The following WDR18 variants were observed in gnomAD, a reference collection of about 807,000 sequenced individuals.
The protein encoded by WDR18 is WD repeat-containing protein 18.
Under a neutral mutation model 49.6 loss-of-function variants are expected in WDR18, and 33 were observed. That is an observed-to-expected ratio of 0.67 (90% CI 0.50 to 0.89). The LOEUF (loss-of-function observed/expected upper bound fraction) is 0.89, where lower values mean the gene tolerates loss of function less well. Among genes scored for constraint, WDR18 ranks in the 40% least tolerant of loss-of-function variants. The pLI is 0.00. For synonymous variants in WDR18, 315 were observed against 263.6 expected (o/e 1.19, Z -1.89); for missense variants, 653 against 593.6 (o/e 1.10, Z -1.04).
chr19:988,610 C>G (rs1002910218), intron 2 of WDR18, among the ~76,000 whole-genome samples: 1 of 152,200 alleles, frequency 6.6e-6, no homozygotes, highest in Admixed American at 6.5e-5. Context: ...CAGGGACTTT[C>G]GACAACAGAA....
chr19:993,876 G>A (rs536911461), intron 8 of WDR18, 144 bp from the exon 9 acceptor site: 5 of 891,358 alleles, frequency 5.6e-6, no homozygotes, highest in East Asian at 2.6e-5. Context: ...GAACGCCCCC[G>A]TCTCAGTCTT....
chr19:993,933 C>A, intron 8 of WDR18, 87 bp from the exon 9 acceptor site: 1 of 1,457,122 alleles, frequency 6.9e-7, no homozygotes. Context: ...GGCTGAGTGG[C>A]TGCCCACGCT....
chr19:988,136 G>A (rs7249037), intron 2 of WDR18, among the ~76,000 whole-genome samples: 31,800 of 124,830 alleles, frequency 0.25, 3,631 homozygotes, highest in Middle Eastern at 0.41. Context: ...GGCCCTCCTG[G>A]AGAGTTTCTG....
intron 4 of WDR18, 103 bp from the exon 5 acceptor site, chr19:990,749 G>A (rs1368401806): frequency 6.8e-7 from 1 of 1,475,066 alleles, no homozygotes; most frequent in Non-Finnish European, 9.0e-7. Context: ...AAGCCCTAGG[G>A]CCAGAGGACA....
rs60103115 is a variant in WDR18, at chr19:994,557, C to A, written c.*213C>A. ...TTTTTAACAAAAGAGGATGAAAAGC[C>A]CCTCCTCTCCGGCCTCCTTGTGTCC... On this transcript the variant is annotated 3_prime_UTR_variant, in exon 10 of 10. Coordinates refer to ENST00000585809, the MANE Select transcript of WDR18 (RefSeq NM_024100.4). The A allele has an allele frequency of 2.3e-5, 16 of 687,508 alleles. No individual in the cohort carries two copies. In the East Asian group the frequency reaches 3.4e-4, roughly 15 times the overall value. 42.6% of individuals were successfully genotyped at this position (687,508 alleles called of 1,614,324 possible). A position where few individuals can be genotyped will look rare whatever the true frequency, so the allele number is the denominator to read the frequency against.
Position 990,258 on chromosome 19 carries a change from C to T in WDR18, c.491C>T (p.Pro164Leu). ...LQADPSRIPA[P>L]RHVWSHHALP... ...GCCGACCCCTCCAGGATTCCGGCGC[C>T]CAGGCACGTCTGGTCTCACCACGCG... Residue 164 changes from proline to leucine, a missense_variant, in exon 4 of 10, where the codon CCC (proline) becomes CTC (leucine). By Grantham distance (98) the Pro-to-Leu change is moderately conservative (BLOSUM62 -3). Transcript: ENST00000585809. The T allele has an allele frequency of 2.5e-6, 4 of 1,599,192 alleles. No individual in the cohort carries two copies. Among genetic ancestry groups the T allele is most frequent in the Non-Finnish European group, 3.4e-6 (4 of 1,179,340 alleles).
Position 992,083 on chromosome 19 carries a change from C to A in WDR18, c.1060C>A (p.His354Asn). The A allele has an allele frequency of 6.4e-7, 1 of 1,551,394 alleles. No individual in the cohort carries two copies. The highest frequency in any genetic ancestry group is 8.7e-7 in the Non-Finnish European group (1 of 1,153,786). ...CGCCGAGCACGGGGACGAGCCGCGCCACGGGGGCCTCACTCTGCGCCTGGG... is the reference window on the plus strand; with the variant it reads ...CGCCGAGCACGGGGACGAGCCGCGCAACGGGGGCCTCACTCTGCGCCTGGG... ...LGAEHGDEPR[H>N]GGLTLRLGLH... Residue 354 changes from histidine (H) to asparagine (N), a missense_variant, in exon 8 of 10, where the codon CAC (histidine) becomes AAC (asparagine). His to Asn is a moderately conservative substitution (Grantham distance 68). Coordinates refer to ENST00000585809, the MANE Select transcript of WDR18 (RefSeq NM_024100.4).
chr19:984,217 C>A, upstream of WDR18: 1 of 920,844 alleles, frequency 1.1e-6, no homozygotes, highest in Non-Finnish European at 1.5e-6. Flanking sequence ...CACAAGAAAG[C>A]CCCTCTCTCC....
At chr19:991,891 C>A (rs2038559733) in intron 7 of WDR18, 64 bp from the exon 8 acceptor site, 1 of 1,406,630 alleles carries the variant, frequency 7.1e-7, no homozygotes. Context: ...TGGGGCGGAA[C>A]TTGGCTTGCT....
At chr19:983,070 C>A (rs2038434901), upstream of WDR18, among the ~76,000 whole-genome samples, 1 of 152,214 alleles carries the variant, frequency 6.6e-6, no homozygotes, top group South Asian at 2.1e-4. Flanking sequence ...AACCCCCGGG[C>A]GGAAATCCCG....
chr19:985,794 C>T, intron 1 of WDR18, 71 bp from the exon 2 acceptor site: 3 of 1,481,014 alleles, frequency 2.0e-6, no homozygotes, highest in Non-Finnish European at 2.8e-6. Context: ...CGTCCCCTCC[C>T]CTCGCCCTCC....
In WDR18 at chr19:994,510, G is replaced by A. The variant is rs552315932; in HGVS notation, c.*166G>A. The A allele has an allele frequency of 1.9e-5, 18 of 967,952 alleles. No individual in the cohort carries two copies. Among genetic ancestry groups the A allele is most frequent in the South Asian group, 6.9e-5 (4 of 58,174 alleles). The allele number at this position is 967,952 out of a possible 1,614,324, so 60.0% of individuals were successfully genotyped here. On this transcript the variant is annotated 3_prime_UTR_variant, in exon 10 of 10. Coordinates refer to ENST00000585809, the MANE Select transcript of WDR18 (RefSeq NM_024100.4). ...GGGCCGTCTTGGTGTCTCGTGGCAC[G>A]CGTCACAGTGGTGCTAGTCTGTTTT...
intron 2 of WDR18, among the ~76,000 whole-genome samples, chr19:988,792 G>C (rs1053465458): frequency 6.6e-6 from 1 of 152,088 alleles, no homozygotes; most frequent in African/African-American, 2.4e-5. Flanking sequence ...CCACTGCCGC[G>C]TGGAGCCCCT....
rs576441461 is a variant in WDR18 at position 990,565 on chromosome 19, C to T, written c.597+201C>T. 4.3e-4 allele frequency: 392 copies of T among 920,522 alleles called. 2 individuals are homozygous for T. Among genetic ancestry groups the T allele is most frequent in the Admixed American group, 2.5e-3 (75 of 30,444 alleles). 57.0% of individuals were successfully genotyped at this position (920,522 alleles called of 1,614,324 possible). ...TCCTACTCATTCACCGTTTCTGGCC[C>T]GGCTCCCTGGCCAAGCCTGGGGAAT... On this transcript the variant is annotated intron_variant, in intron 4 of 9. Transcript: ENST00000585809.
chr19:991,104 C>A lies in WDR18; in HGVS notation c.765C>A (p.Phe255Leu). Residue 255 changes from phenylalanine to leucine, a missense_variant, in exon 6 of 10, where the codon TTC becomes TTA. Physicochemically the swap from Phe to Leu is conservative, Grantham distance 22. Transcript: ENST00000585809. ...AGCCCGGACAGAGGGAGAGGAGCTT[C>A]CACCCAGAGCAGGACGCCGGGAAGG... ...FTWPGQRERS[F>L]HPEQDAGKVF... 1 of 1,596,418 alleles carries A rather than the reference C, an allele frequency of 6.3e-7. No homozygotes were observed. Among genetic ancestry groups the A allele is most frequent in the Non-Finnish European group, 8.5e-7 (1 of 1,172,042 alleles).
At chr19:983,257 C>G (rs574347650), upstream of WDR18, among the ~76,000 whole-genome samples, 53 of 141,500 alleles carry the variant, frequency 3.7e-4, no homozygotes, top group African/African-American at 1.5e-3. Context: ...CACAGTGAGA[C>G]CCCCCATCTC....
chr19:990,067 C>CTGGGGGCCG, intron 3 of WDR18, 156 bp from the exon 4 acceptor site: 1 of 1,390,802 alleles, frequency 7.2e-7, no homozygotes, highest in Non-Finnish European at 9.5e-7. Flanking sequence ...CTGGTTTGTT[C>CTGGGGGCCG]TGGGGGCCGT....
intron 4 of WDR18, chr19:990,584 G>A: frequency 1.2e-6 from 1 of 854,694 alleles, no homozygotes; most frequent in Non-Finnish European, 1.7e-6. Context: ...GGCCAAGCCT[G>A]GGGAATCGGA....
chr19:992,864 G>A (rs1276796014), intron 8 of WDR18, among the ~76,000 whole-genome samples: 1 of 152,226 alleles, frequency 6.6e-6, no homozygotes, highest in Non-Finnish European at 1.5e-5. Flanking sequence ...TGTGTCCCTC[G>A]CTGGGCTCTG....
Sources: gnomAD v4.1 joint callset for allele counts (sites outside exome capture counted in the v4.1 genomes callset) on GRCh38, gnomAD v4.1.1 for gene constraint, MANE v1.5 for transcripts, NCBI Gene and HGNC (gene_info 2026-07-23, HGNC 2026-07-21) for gene names.